PAXBP1: variants seen among roughly 807,000 people sequenced by gnomAD.
The protein encoded by PAXBP1 is PAX3- and PAX7-binding protein 1.
Under a neutral mutation model 119.9 loss-of-function variants are expected in PAXBP1, and 44 were observed. The ratio of observed to expected loss-of-function variants is 0.37; its 90% CI spans 0.29 to 0.47. The LOEUF (loss-of-function observed/expected upper bound fraction) is 0.47. Among genes scored for constraint, PAXBP1 ranks in the 20% least tolerant of loss-of-function variants. The pLI, the probability that PAXBP1 is intolerant of heterozygous loss-of-function variation, is 0.99. For missense variants in PAXBP1, 898 were observed against 1,134.1 expected, an observed-to-expected ratio of 0.79 and a Z score of 2.99; for synonymous variants, 393 against 406.6, an observed-to-expected ratio of 0.97 and a Z score of 0.40.
intron 15 of PAXBP1, chr21:32,741,594 G>T: frequency 1.3e-6 from 1 of 763,482 alleles, no homozygotes; most frequent in Non-Finnish European, 2.4e-6. Flanking sequence ...TATGGGGCAG[G>T]ACCCTCTCTG....
chr21:32,762,449 T>C, intron 3 of PAXBP1, 132 bp from the exon 4 acceptor site: 1 of 1,229,200 alleles, frequency 8.1e-7, no homozygotes, highest in Middle Eastern at 2.6e-4. Flanking sequence ...CTCCTTCCCA[T>C]ACTATGTCTG....
intron 6 of PAXBP1, 85 bp downstream of exon 6, chr21:32,759,692 T>C: frequency 5.4e-6 from 6 of 1,118,506 alleles, no homozygotes; most frequent in Non-Finnish European, 7.9e-6. Context: ...TTTGCTGATA[T>C]TCTGCATCTG....
At chr21:32,769,261 T>A (rs1161908780) in intron 2 of PAXBP1, among the ~76,000 whole-genome samples, 1 of 152,200 alleles carries the variant, frequency 6.6e-6, no homozygotes, top group African/African-American at 2.4e-5. Context: ...TAAAATTTTT[T>A]AAACTGAGGT....
In PAXBP1 at chr21:32,771,656, C is replaced by T; in HGVS notation, c.13G>A (p.Ala5Thr). MFRK[A>T]RRVNVRKRND... ...CGCTTGCGCACGTTCACCCGCCGGGCCTTTCGGAACATCCCCGCGGCCCGC... is the reference window on the plus strand; with the variant it reads ...CGCTTGCGCACGTTCACCCGCCGGGTCTTTCGGAACATCCCCGCGGCCCGC... The change falls in exon 1 of 18, where the codon GCC (alanine) becomes ACC (threonine). Residue 5 changes from alanine to threonine, a missense_variant. This residue lies in a region of PAXBP1 where 299 missense variants were observed against 281.4 expected (regional missense o/e 1.06). Transcript: ENST00000331923. The T allele has an allele frequency of 7.0e-7, 1 of 1,428,942 alleles. No individual in the cohort carries two copies. The highest frequency in any genetic ancestry group is 9.1e-7 in the Non-Finnish European group (1 of 1,094,484). The allele number at this position is 1,428,942 out of a possible 1,614,324, so 88.5% of individuals were successfully genotyped here. A position where few individuals can be genotyped will look rare whatever the true frequency, so the allele number is the denominator to read the frequency against.
intron 1 of PAXBP1, 125 bp from the exon 2 acceptor site, chr21:32,770,067 G>T (rs2044309219): frequency 1.1e-5 from 7 of 654,376 alleles, no homozygotes; most frequent in Non-Finnish European, 1.4e-5. Context: ...CAAAATCATT[G>T]TATAATTATT....
intron 3 of PAXBP1, among the ~76,000 whole-genome samples, chr21:32,762,804 G>A (rs1288053425): frequency 2.6e-5 from 4 of 151,296 alleles, no homozygotes; most frequent in African/African-American, 7.3e-5. Flanking sequence ...CCAGCTACTT[G>A]GGAGGCTAAG....
rs920896666 is a variant in PAXBP1 at position 32,771,209 on chromosome 21, G to A, written c.343+117C>T. 7.2e-6 allele frequency: 7 copies of A among 973,712 alleles called. No homozygotes were observed. In the Middle Eastern group the frequency reaches 1.7e-3, roughly 243 times the overall value. 60.3% of individuals were successfully genotyped at this position (973,712 alleles called of 1,614,324 possible). A position where few individuals can be genotyped will look rare whatever the true frequency, so the allele number is the denominator to read the frequency against. On this transcript the variant is annotated intron_variant, in intron 1 of 17. Coordinates refer to ENST00000331923, the MANE Select transcript of PAXBP1 (RefSeq NM_016631.4). ...GGGGAAGATTCGCAGCCGGTCGGAC[G>A]GCAGGGGACTCCGTTCCAGGGCTCC... is the stretch of plus-strand genomic sequence containing the variant.
intron 10 of PAXBP1, among the ~76,000 whole-genome samples, chr21:32,750,434 A>G (rs932851526): frequency 6.6e-6 from 1 of 152,246 alleles, no homozygotes; most frequent in Non-Finnish European, 1.5e-5. Flanking sequence ...TATAATTCCA[A>G]ACAATTATAG....
At chr21:32,761,399 T>A (rs2044143549) in intron 4 of PAXBP1, among the ~76,000 whole-genome samples, 1 of 152,206 alleles carries the variant, frequency 6.6e-6, no homozygotes, top group Admixed American at 6.5e-5. Context: ...TGTTTCTTAA[T>A]CTCTGTAAAC....
At chr21:32,766,499 C>T (rs977412068) in intron 2 of PAXBP1, among the ~76,000 whole-genome samples, 3 of 152,204 alleles carry the variant, frequency 2.0e-5, no homozygotes, top group African/African-American at 7.2e-5. Context: ...CTCTCCTCTT[C>T]TACAAAGAGG....
At chr21:32,756,744 G>A (rs1216540576) in intron 7 of PAXBP1, 1 of 202,774 alleles carries the variant, frequency 4.9e-6, no homozygotes. Context: ...AGATTGTTAA[G>A]CTTCCTGTAC....
intron 1 of PAXBP1, among the ~76,000 whole-genome samples, chr21:32,770,939 A>G (rs1166065468): frequency 6.6e-6 from 1 of 152,236 alleles, no homozygotes; most frequent in Non-Finnish European, 1.5e-5. Context: ...AGAGCATCCA[A>G]GAAGTGTGGG....
chr21:32,745,808 C>G, intron 11 of PAXBP1, 90 bp from the exon 12 acceptor site: 2 of 1,504,712 alleles, frequency 1.3e-6, no homozygotes, highest in Non-Finnish European at 1.8e-6. Context: ...CTGGATTTAA[C>G]CTTTGGTTGC....
chr21:32,746,561 C>T (rs2043875407), intron 11 of PAXBP1, among the ~76,000 whole-genome samples: 1 of 152,152 alleles, frequency 6.6e-6, no homozygotes, highest in Non-Finnish European at 1.5e-5. Context: ...GATACCATCC[C>T]ATGCCAATCA....
chr21:32,755,619 G>A (rs930884094), intron 7 of PAXBP1: 3 of 267,584 alleles, frequency 1.1e-5, no homozygotes, highest in African/African-American at 6.6e-5. Flanking sequence ...AGTATTCATA[G>A]AACAAGTAAA....
Position 32,734,851 on chromosome 21 carries a change from C to T in PAXBP1, c.*99G>A, listed in dbSNP as rs2043670178. ...GAATATAATGTTTTTTGTATTAAAACAAGAATTGCTATTTTACAGTTTAAG... is the reference window on the plus strand; with the variant it reads ...GAATATAATGTTTTTTGTATTAAAATAAGAATTGCTATTTTACAGTTTAAG... On this transcript the variant is annotated 3_prime_UTR_variant, in exon 18 of 18. Transcript: ENST00000331923. 2 of 844,218 alleles carry T rather than the reference C, an allele frequency of 2.4e-6. No homozygotes were observed. Among genetic ancestry groups the T allele is most frequent in the South Asian group, 1.4e-5 (1 of 69,832 alleles). The allele number at this position is 844,218 out of a possible 1,614,324, so 52.3% of individuals were successfully genotyped here.
intron 7 of PAXBP1, among the ~76,000 whole-genome samples, chr21:32,758,039 G>C (rs549812519): frequency 7.2e-5 from 11 of 152,354 alleles, no homozygotes; most frequent in African/African-American, 2.6e-4. Flanking sequence ...AGAGGACATG[G>C]TGAATGTTAT....
chr21:32,741,537 G>A (rs747845689), intron 15 of PAXBP1: 15 of 777,892 alleles, frequency 1.9e-5, no homozygotes, highest in South Asian at 6.7e-5. Context: ...AGGCCTGTCC[G>A]TCCAGATTCT....
intron 7 of PAXBP1, chr21:32,756,065 C>A (rs1421139687): frequency 4.8e-6 from 1 of 207,726 alleles, no homozygotes; most frequent in Non-Finnish European, 9.8e-6. Context: ...AATTTCTTTA[C>A]ATGAATTGTG....
Sources: allele counts gnomAD v4.1 joint callset (sites outside exome capture counted in the v4.1 genomes callset), GRCh38; gene constraint gnomAD v4.1.1; regional missense constraint gnomAD v4.1.1; transcripts MANE v1.5; gene names NCBI Gene and HGNC (gene_info 2026-07-23, HGNC 2026-07-21).